DIP2B: variants seen among roughly 807,000 people sequenced by gnomAD.
The protein encoded by DIP2B is disco-interacting protein 2 homolog B.
DIP2B carries 76 observed loss-of-function variants against 198.0 expected under a neutral mutation model. The observed-to-expected ratio is 0.38, with a 90% CI of 0.32 to 0.46. The LOEUF is 0.46. Among genes scored for constraint, DIP2B ranks in the 20% least tolerant of loss-of-function variants. The probability of loss-of-function intolerance (pLI) is 0.99; values close to 1 mark genes in which losing one functional copy is unlikely to be tolerated. For missense variants in DIP2B, 1,559 were observed against 1,978.4 expected (o/e 0.79, Z 4.02); for synonymous variants, 701 against 739.1 (o/e 0.95, Z 0.84).
chr12:50,670,323 C>T (rs1256253260), intron 4 of DIP2B, among the ~76,000 whole-genome samples: 3 of 152,108 alleles, frequency 2.0e-5, no homozygotes, highest in Non-Finnish European at 4.4e-5. Context: ...GGCTGCCTTT[C>T]CTACTAAGGC....
intron 1 of DIP2B, among the ~76,000 whole-genome samples, chr12:50,506,070 T>C (rs1485028287): frequency 6.6e-6 from 1 of 152,120 alleles, no homozygotes; most frequent in Non-Finnish European, 1.5e-5. Flanking sequence ...GCCACTGTTA[T>C]TAGAGAACTC....
At chr12:50,567,951 G>T (rs927602088) in intron 1 of DIP2B, among the ~76,000 whole-genome samples, 1 of 152,156 alleles carries the variant, frequency 6.6e-6, no homozygotes, top group African/African-American at 2.4e-5. Context: ...TGGATTATGT[G>T]TGGTTCATAT....
intron 2 of DIP2B, among the ~76,000 whole-genome samples, chr12:50,638,661 C>T (rs1938200135): frequency 6.6e-6 from 1 of 152,068 alleles, no homozygotes; most frequent in Admixed American, 6.5e-5. Flanking sequence ...TTTCTGAGAT[C>T]TAGTTGGAGT....
intron 1 of DIP2B, among the ~76,000 whole-genome samples, chr12:50,573,342 GC>G (rs1302306211): frequency 6.6e-6 from 1 of 152,196 alleles, no homozygotes; most frequent in Non-Finnish European, 1.5e-5. Flanking sequence ...CGATCAAGTT[GC>G]TTACAGTTTA....
intron 2 of DIP2B, among the ~76,000 whole-genome samples, chr12:50,627,219 G>A (rs1015090308): frequency 6.6e-6 from 1 of 152,168 alleles, no homozygotes; most frequent in Non-Finnish European, 1.5e-5. Context: ...GTCACTTGGT[G>A]TAAAAGCAAT....
chr12:50,568,596 A>G (rs956372080), intron 1 of DIP2B, among the ~76,000 whole-genome samples: 2 of 152,138 alleles, frequency 1.3e-5, no homozygotes, highest in African/African-American at 4.8e-5. Context: ...GTGAAGGAGT[A>G]AAAAAGAAAA....
At chr12:50,549,903 ATAAC>A (rs982452802) in intron 1 of DIP2B, among the ~76,000 whole-genome samples, 4 of 152,062 alleles carry the variant, frequency 2.6e-5, no homozygotes, top group African/African-American at 7.2e-5. Context: ...AGTTCCTTAT[ATAAC>A]TAAGGAAAAG....
intron 8 of DIP2B, chr12:50,680,310 T>G (rs1236474417): frequency 6.3e-6 from 1 of 158,144 alleles, no homozygotes; most frequent in Non-Finnish European, 1.4e-5. Context: ...CTTCTGATTT[T>G]CAGTCTTGTA....
chr12:50,640,341 G>GT (rs1447889799), intron 2 of DIP2B, among the ~76,000 whole-genome samples: 5 of 152,104 alleles, frequency 3.3e-5, no homozygotes, highest in Non-Finnish European at 5.9e-5. Flanking sequence ...CTTGTATTAT[G>GT]TTTATCTGGA....
intron 3 of DIP2B, among the ~76,000 whole-genome samples, chr12:50,651,390 A>G (rs1323063933): frequency 6.6e-6 from 1 of 152,196 alleles, no homozygotes; most frequent in African/African-American, 2.4e-5. Flanking sequence ...GTCGCGTTCA[A>G]TAAATTGTTG....
chr12:50,692,897 G>C, intron 13 of DIP2B, 52 bp from the exon 14 acceptor site: 1 of 1,489,104 alleles, frequency 6.7e-7, no homozygotes. Context: ...ACATAATTTT[G>C]CTACTTAATA....
intron 1 of DIP2B, among the ~76,000 whole-genome samples, chr12:50,590,413 A>G (rs1323620517): frequency 6.6e-6 from 1 of 151,528 alleles, no homozygotes; most frequent in East Asian, 1.9e-4. Context: ...TCTGTTGCCC[A>G]GGCTGGAGTG....
chr12:50,550,209 A>G (rs1263068179), intron 1 of DIP2B, among the ~76,000 whole-genome samples: 1 of 152,166 alleles, frequency 6.6e-6, no homozygotes, highest in Non-Finnish European at 1.5e-5. Flanking sequence ...TAAAATTTCC[A>G]TGTGATTTCT....
chr12:50,661,924 TCAG>T (rs534840854), intron 4 of DIP2B, among the ~76,000 whole-genome samples: 59 of 152,316 alleles, frequency 3.9e-4, no homozygotes, highest in African/African-American at 1.4e-3. Flanking sequence ...TTGAGAATGC[TCAG>T]AAGGAGTGGA....
intron 23 of DIP2B, among the ~76,000 whole-genome samples, chr12:50,717,363 T>A (rs1939744912): frequency 1.3e-4 from 1 of 7,538 alleles, no homozygotes; most frequent in Non-Finnish European, 1.1e-3. Flanking sequence ...CTGCAGCTTT[T>A]TTTTTTTTTT....
intron 1 of DIP2B, among the ~76,000 whole-genome samples, chr12:50,578,331 G>C (rs1374767003): frequency 6.7e-6 from 1 of 149,194 alleles, no homozygotes; most frequent in Non-Finnish European, 1.5e-5. Flanking sequence ...GAATGGATGT[G>C]TTACCCGTAC....
chr12:50,702,214 C>CG (rs1307952113), intron 19 of DIP2B, among the ~76,000 whole-genome samples: 6 of 151,902 alleles, frequency 3.9e-5, no homozygotes, highest in Non-Finnish European at 5.9e-5. Flanking sequence ...GGCATGGTGG[C>CG]GGGCGCCTGT....
chr12:50,648,700 C>G (rs966159474), intron 3 of DIP2B, among the ~76,000 whole-genome samples: 3 of 136,508 alleles, frequency 2.2e-5, no homozygotes, highest in African/African-American at 2.6e-5. Flanking sequence ...TTGTTCTTCC[C>G]CCCCCCCTCC....
intron 1 of DIP2B, among the ~76,000 whole-genome samples, chr12:50,607,289 A>G (rs190175770): frequency 6.6e-6 from 1 of 152,296 alleles, no homozygotes; most frequent in Admixed American, 6.5e-5. Flanking sequence ...TTTTACAGAT[A>G]GAAAAAAACA....
Sources: allele counts gnomAD v4.1 joint callset (sites outside exome capture counted in the v4.1 genomes callset), GRCh38; gene constraint gnomAD v4.1.1; transcripts MANE v1.5; gene names NCBI Gene and HGNC (gene_info 2026-07-23, HGNC 2026-07-21).